The following PTPRD variants were observed in gnomAD, a reference collection of about 807,000 sequenced individuals.
PTPRD encodes receptor-type tyrosine-protein phosphatase delta.
A neutral mutation model predicts 214.5 loss-of-function variants in PTPRD; 34 were observed. The observed-to-expected ratio is 0.16, with a 90% confidence interval of 0.12 to 0.21. The LOEUF is 0.21. Among genes scored for constraint, PTPRD ranks in the 10% least tolerant of loss-of-function variants. The probability of loss-of-function intolerance (pLI) is 1.00; values close to 1 mark genes in which losing one functional copy is unlikely to be tolerated. For missense variants in PTPRD, 2,545 were observed against 2,398.7 expected (o/e 1.06, Z -1.27); for synonymous variants, 1,128 against 845.7 (o/e 1.33, Z -5.79).
chr9:9,904,811 T>A (rs964318367), intron 5 of PTPRD, among the ~76,000 whole-genome samples: 4 of 151,972 alleles, frequency 2.6e-5, no homozygotes, highest in Admixed American at 1.3e-4. Context: ...TTCACCGAAG[T>A]TTTGTTCAAC....
chr9:10,207,278 T>A, intron 3 of PTPRD, among the ~76,000 whole-genome samples: 1 of 152,104 alleles, frequency 6.6e-6, no homozygotes, highest in East Asian at 1.9e-4. Flanking sequence ...TTGTCTGATC[T>A]CTTTAATTCA....
chr9:8,759,391 T>A (rs1322356618), intron 11 of PTPRD, among the ~76,000 whole-genome samples: 1 of 152,046 alleles, frequency 6.6e-6, no homozygotes, highest in Non-Finnish European at 1.5e-5. Flanking sequence ...TATTGTGTCT[T>A]GGAGGAGGCA....
At chr9:9,620,183 G>T (rs1219965000) in intron 7 of PTPRD, among the ~76,000 whole-genome samples, 1 of 152,084 alleles carries the variant, frequency 6.6e-6, no homozygotes, top group Non-Finnish European at 1.5e-5. Context: ...AACAGAAGAT[G>T]ATGAATATTC....
At chr9:10,181,885 T>C (rs550887316) in intron 3 of PTPRD, among the ~76,000 whole-genome samples, 31 of 145,402 alleles carry the variant, frequency 2.1e-4, no homozygotes, top group Middle Eastern at 3.6e-3. Flanking sequence ...TAAGATACTA[T>C]GTTTGGAACT....
intron 5 of PTPRD, among the ~76,000 whole-genome samples, chr9:9,865,760 G>C (rs2063797152): frequency 6.6e-6 from 1 of 152,170 alleles, no homozygotes; most frequent in African/African-American, 2.4e-5. Flanking sequence ...AGAAATATAA[G>C]CTATCTTGGG....
intron 5 of PTPRD, among the ~76,000 whole-genome samples, chr9:9,848,366 C>T (rs888468048): frequency 7.2e-5 from 11 of 152,036 alleles, no homozygotes; most frequent in African/African-American, 2.4e-4. Flanking sequence ...GCCAGAAATG[C>T]ATTTCAAAAG....
intron 33 of PTPRD, among the ~76,000 whole-genome samples, chr9:8,458,599 C>T (rs1191798743): frequency 1.3e-5 from 2 of 152,042 alleles, no homozygotes; most frequent in Admixed American, 1.3e-4. Context: ...ATTGAATTCT[C>T]TTCTGGAAAA....
At chr9:9,724,351 C>A (rs10977935) in intron 7 of PTPRD, among the ~76,000 whole-genome samples, 87,072 of 152,008 alleles carry the variant, frequency 0.57, 26,914 homozygotes, top group African/African-American at 0.78. Context: ...GGGTGTTTAT[C>A]ATCTCTCAAA....
chr9:8,385,363 C>A lies in PTPRD; in HGVS notation c.4386+3869G>T, dbSNP rs370463745. ...GCAAAAAAGTGAGACTCTGTCTCTA[C>A]AAAATCTAAAAATTAGCTGGGGGTG... On this transcript the variant is annotated intron_variant, in intron 37 of 45. Transcript: ENST00000381196. Among the ~76,000 whole-genome samples, 182 of 152,244 alleles carry A rather than the reference C, an allele frequency of 1.2e-3. 1 individual carries two copies. The highest frequency in any genetic ancestry group is 4.3e-3 in the African/African-American group (178 of 41,556).
At chr9:10,272,454 G>C (rs1451443643) in intron 3 of PTPRD, among the ~76,000 whole-genome samples, 1 of 152,020 alleles carries the variant, frequency 6.6e-6, no homozygotes, top group Non-Finnish European at 1.5e-5. Flanking sequence ...CATTTTTCTT[G>C]GATATATAAC....
chr9:9,752,378 C>T (rs2154466264), intron 6 of PTPRD, among the ~76,000 whole-genome samples: 1 of 152,046 alleles, frequency 6.6e-6, no homozygotes, highest in African/African-American at 2.4e-5. Context: ...TAGTCTGTGA[C>T]CTTCATTTTA....
chr9:9,663,011 A>T (rs1444063786), intron 7 of PTPRD, among the ~76,000 whole-genome samples: 1 of 151,610 alleles, frequency 6.6e-6, no homozygotes, highest in African/African-American at 2.4e-5. Context: ...TAATATTTTG[A>T]ACATAAACTG....
At chr9:8,418,646 T>C (rs2094132031) in intron 35 of PTPRD, among the ~76,000 whole-genome samples, 1 of 152,034 alleles carries the variant, frequency 6.6e-6, no homozygotes. Context: ...AACTTATTTC[T>C]TTCGGAATTA....
At chr9:8,590,707 A>T in intron 14 of PTPRD, among the ~76,000 whole-genome samples, 1 of 152,218 alleles carries the variant, frequency 6.6e-6, no homozygotes, top group East Asian at 1.9e-4. Flanking sequence ...TCACAAAGGC[A>T]TATGGATAGT....
chr9:10,411,398 A>T (rs2098435208), intron 2 of PTPRD, among the ~76,000 whole-genome samples: 1 of 151,784 alleles, frequency 6.6e-6, no homozygotes, highest in Admixed American at 6.6e-5. Flanking sequence ...CATATGTCTA[A>T]GTTCTTATCA....
intron 12 of PTPRD, among the ~76,000 whole-genome samples, chr9:8,729,678 C>T (rs1456995830): frequency 6.6e-6 from 1 of 152,248 alleles, no homozygotes; most frequent in Admixed American, 6.5e-5. Flanking sequence ...AAGCAAAGAG[C>T]AAGATTGATC....
chr9:9,765,465 A>C (rs1396425952), intron 6 of PTPRD, among the ~76,000 whole-genome samples: 1 of 152,186 alleles, frequency 6.6e-6, no homozygotes, highest in Non-Finnish European at 1.5e-5. Context: ...ACTCTAATAC[A>C]GGGAAAAATA....
intron 11 of PTPRD, among the ~76,000 whole-genome samples, chr9:8,738,897 CATA>C (rs2091185748): frequency 6.6e-6 from 1 of 152,136 alleles, no homozygotes; most frequent in African/African-American, 2.4e-5. Context: ...GAAGCAATAT[CATA>C]ATGATATTTA....
chr9:8,921,843 T>C (rs539179711), intron 11 of PTPRD, among the ~76,000 whole-genome samples: 1 of 152,208 alleles, frequency 6.6e-6, no homozygotes, highest in Non-Finnish European at 1.5e-5. Flanking sequence ...GGGGGAGCCA[T>C]TGCAATTAAT....
Sources: gnomAD v4.1 joint callset for allele counts (sites outside exome capture counted in the v4.1 genomes callset) on GRCh38, gnomAD v4.1.1 for gene constraint, MANE v1.5 for transcripts, NCBI Gene and HGNC (gene_info 2026-07-23, HGNC 2026-07-21) for gene names.